Variants in HINT3 observed in about 807,000 individuals in gnomAD.
HINT3 encodes adenosine 5'-monophosphoramidase HINT3.
Under a neutral mutation model 19.1 loss-of-function variants are expected in HINT3, and 16 were observed. The ratio of observed to expected loss-of-function variants is 0.84; its 90% CI spans 0.57 to 1.27. The LOEUF (loss-of-function observed/expected upper bound fraction) is 1.27, where lower values mean the gene tolerates loss of function less well. Among genes scored for constraint, HINT3 ranks in the 50% most tolerant of loss-of-function variants. The probability of loss-of-function intolerance (pLI) is 0.00; values close to 1 mark genes in which losing one functional copy is unlikely to be tolerated. For missense variants in HINT3, 197 were observed against 225.8 expected (o/e 0.87, Z 0.82); for synonymous variants, 75 against 84.8 (o/e 0.88, Z 0.63).
chr6:125,975,581 G>GTTTTTTTTTT (rs149094456), intron 4 of HINT3, among the ~76,000 whole-genome samples: 6 of 143,612 alleles, frequency 4.2e-5, no homozygotes, highest in African/African-American at 1.6e-4. Context: ...TGGCTGAAGA[G>GTTTTTTTTTT]TTGTTTTTTT....
intron 1 of HINT3, among the ~76,000 whole-genome samples, chr6:125,962,189 C>CACATAT (rs1178704034): frequency 1.6e-5 from 1 of 64,328 alleles, no homozygotes; most frequent in Non-Finnish European, 2.6e-5. Flanking sequence ...TATATATACA[C>CACATAT]ATATATATAT....
In HINT3 at chr6:125,957,020, G is replaced by T; in HGVS notation, c.43G>T (p.Asp15Tyr). 6.4e-7 allele frequency: 1 copy of T among 1,550,634 alleles called. No individual in the cohort carries two copies. The highest frequency in any genetic ancestry group is 8.7e-7 in the Non-Finnish European group (1 of 1,146,866). The change falls in exon 1 of 5, where the codon GAC becomes TAC. Residue 15 changes from aspartate to tyrosine, a missense_variant. Physicochemically the swap from Asp to Tyr is radical, Grantham distance 160 (BLOSUM62 -3). Coordinates refer to ENST00000229633, the MANE Select transcript of HINT3 (RefSeq NM_138571.5). The part of the protein sequence containing the change: ...QVNRSAGLAP[D>Y]CEASATAETT... ...GAACCGCAGCGCCGGCCTGGCCCCC[G>T]ACTGTGAGGCCTCGGCGACTGCAGA...
intron 1 of HINT3, among the ~76,000 whole-genome samples, chr6:125,960,352 G>C (rs1172780990): frequency 6.6e-6 from 1 of 152,158 alleles, no homozygotes; most frequent in East Asian, 1.9e-4. Flanking sequence ...TAGAAGTGTA[G>C]TGAGACACAG....
chr6:125,974,336 A>C (rs149471692), intron 3 of HINT3, among the ~76,000 whole-genome samples: 142 of 152,356 alleles, frequency 9.3e-4, no homozygotes, highest in Middle Eastern at 3.4e-3. Context: ...AACCTGGGTG[A>C]TGACGAAAGT....
intron 1 of HINT3, among the ~76,000 whole-genome samples, chr6:125,960,671 A>AGCGGG (rs1562211533): frequency 8.6e-5 from 8 of 92,516 alleles, no homozygotes; most frequent in South Asian, 1.1e-3. Context: ...GGGGGAAAAA[A>AGCGGG]AAAGAAGTTA....
At chr6:125,966,778 CA>C (rs1789023365) in intron 1 of HINT3, 108 bp from the exon 2 acceptor site, 1 of 673,392 alleles carries the variant, frequency 1.5e-6, no homozygotes, top group Admixed American at 2.9e-5. Context: ...TTAGGTGTAA[CA>C]TAAGTATCAT....
At chr6:125,966,785 A>G in intron 1 of HINT3, 102 bp from the exon 2 acceptor site, 1 of 715,078 alleles carries the variant, frequency 1.4e-6, no homozygotes, top group East Asian at 2.8e-5. Flanking sequence ...TAACATAAGT[A>G]TCATTTCCCT....
chr6:125,973,129 G>A (rs1240402061), intron 3 of HINT3, among the ~76,000 whole-genome samples: 3 of 130,280 alleles, frequency 2.3e-5, no homozygotes, highest in Non-Finnish European at 3.1e-5. Flanking sequence ...AGGCTGGAGT[G>A]CAGTGGTGCG....
At chr6:125,967,806 A>G (rs912738746) in intron 2 of HINT3, among the ~76,000 whole-genome samples, 2 of 152,168 alleles carry the variant, frequency 1.3e-5, no homozygotes, top group Non-Finnish European at 2.9e-5. Flanking sequence ...ACCAAAATTT[A>G]ATTATGAGTT....
chr6:125,970,399 C>CT (rs1043881212), intron 2 of HINT3, among the ~76,000 whole-genome samples: 2 of 152,070 alleles, frequency 1.3e-5, no homozygotes, highest in Non-Finnish European at 2.9e-5. Flanking sequence ...GGGTTTCACA[C>CT]TTTAGCTTTT....
At chr6:125,966,258 A>G (rs1033577861) in intron 1 of HINT3, among the ~76,000 whole-genome samples, 3 of 152,194 alleles carry the variant, frequency 2.0e-5, no homozygotes, top group Non-Finnish European at 4.4e-5. Context: ...TGTGTGGGGT[A>G]ATGTAAACCA....
rs182352949 is a variant in HINT3, at chr6:125,961,206, C to A, written c.201+4028C>A. Among the ~76,000 whole-genome samples the A allele has an allele frequency of 9.2e-4, 140 of 152,258 alleles. 2 individuals carry two copies. Among genetic ancestry groups the A allele is most frequent in the Admixed American group, 8.7e-3 (133 of 15,300 alleles). On this transcript the variant is annotated intron_variant, in intron 1 of 4. Coordinates refer to ENST00000229633, the MANE Select transcript of HINT3 (RefSeq NM_138571.5). ...AAATTAGGGAAACGGGGAATATATA[C>A]AATAGCCCATTGTCAGTGGAAAAAC...
intron 1 of HINT3, among the ~76,000 whole-genome samples, chr6:125,961,818 G>C (rs371237181): frequency 2.0e-5 from 3 of 151,974 alleles, no homozygotes; most frequent in East Asian, 3.9e-4. Flanking sequence ...TGGACAAAAA[G>C]GGTATGATCT....
chr6:125,960,984 T>C (rs1262813682), intron 1 of HINT3, among the ~76,000 whole-genome samples: 1 of 152,126 alleles, frequency 6.6e-6, no homozygotes, highest in Non-Finnish European at 1.5e-5. Flanking sequence ...ATAATGAAAC[T>C]AATAGAAAAT....
intron 1 of HINT3, among the ~76,000 whole-genome samples, chr6:125,965,408 A>G (rs1326022458): frequency 2.0e-5 from 3 of 152,190 alleles, no homozygotes; most frequent in African/African-American, 7.2e-5. Context: ...TGTGTTATGA[A>G]TCAATCTGGG....
chr6:125,957,102 A>G lies in HINT3; in HGVS notation c.125A>G (p.Lys42Arg), dbSNP rs746337859. The change falls in exon 1 of 5, where the codon AAG becomes AGG. Residue 42 changes from lysine to arginine, a missense_variant. Coordinates refer to ENST00000229633, the MANE Select transcript of HINT3 (RefSeq NM_138571.5). Reference sequence around the variant, plus strand: ...GCCGCTGGCAAGTCACCAGAGCCCAAGGACTACGACAGCACCTGCGTGTTC... The same window carrying G: ...GCCGCTGGCAAGTCACCAGAGCCCAGGGACTACGACAGCACCTGCGTGTTC... ...CEAAGKSPEPKDYDSTCVFCR... is the reference protein window; with the variant it reads ...CEAAGKSPEPRDYDSTCVFCR... The G allele has an allele frequency of 6.4e-7, 1 of 1,550,928 alleles. No individual in the cohort carries two copies. The highest frequency in any genetic ancestry group is 8.7e-7 in the Non-Finnish European group (1 of 1,146,840).
chr6:125,966,574 G>A (rs1301928083), intron 1 of HINT3, among the ~76,000 whole-genome samples: 1 of 152,152 alleles, frequency 6.6e-6, no homozygotes, highest in Admixed American at 6.5e-5. Flanking sequence ...AAAAACTTTA[G>A]GGTAGGGATA....
At chr6:125,962,393 A>C (rs1263646184) in intron 1 of HINT3, among the ~76,000 whole-genome samples, 1 of 148,618 alleles carries the variant, frequency 6.7e-6, no homozygotes, top group Non-Finnish European at 1.5e-5. Flanking sequence ...TAGTGCTCCC[A>C]AAGGTTGTGT....
intron 1 of HINT3, among the ~76,000 whole-genome samples, chr6:125,962,319 A>G (rs1474840521): frequency 7.0e-5 from 3 of 42,590 alleles, no homozygotes; most frequent in Non-Finnish European, 1.3e-4. Flanking sequence ...ACACATATAT[A>G]TATATATATA....
Sources: gnomAD v4.1 joint callset for allele counts (sites outside exome capture counted in the v4.1 genomes callset) on GRCh38, gnomAD v4.1.1 for gene constraint, MANE v1.5 for transcripts, NCBI Gene and HGNC (gene_info 2026-07-23, HGNC 2026-07-21) for gene names.